The following PAPOLG variants were observed in gnomAD, a reference collection of about 807,000 sequenced individuals.
PAPOLG encodes the protein PAP-gamma.
A neutral mutation model predicts 99.0 loss-of-function variants in PAPOLG; 40 were observed. The ratio of observed to expected loss-of-function variants is 0.40; its 90% CI spans 0.31 to 0.53. The LOEUF (loss-of-function observed/expected upper bound fraction) is 0.53, where lower values mean the gene tolerates loss of function less well. Among genes scored for constraint, PAPOLG ranks in the 20% least tolerant of loss-of-function variants. The pLI is 0.41. For synonymous variants in PAPOLG, 310 were observed against 299.3 expected (o/e 1.04, Z -0.37); for missense variants, 675 against 884.1 (o/e 0.76, Z 3.00).
In PAPOLG at chr2:60,801,168, G is replaced by C. The variant is rs1349168727; in HGVS notation, c.*4008G>C. The C allele has an allele frequency of 6.6e-6, 1 of 152,040 alleles. No homozygotes were observed. The highest frequency in any genetic ancestry group is 1.5e-5 in the Non-Finnish European group (1 of 68,000). 9.4% of individuals were successfully genotyped at this position (152,040 alleles called of 1,614,324 possible). A position where few individuals can be genotyped will look rare whatever the true frequency, so the allele number is the denominator to read the frequency against. ...AGATCCCAAAATGTTGAGTTCTGTA[G>C]CATGAAAACTCTCTTGCTCCTCCAT... On this transcript the variant is annotated 3_prime_UTR_variant, in exon 22 of 22. Transcript: ENST00000238714.
intron 13 of PAPOLG, among the ~76,000 whole-genome samples, chr2:60,784,171 C>T (rs1170059297): frequency 6.6e-6 from 1 of 152,152 alleles, no homozygotes; most frequent in Non-Finnish European, 1.5e-5. Context: ...CGGGGTTTCA[C>T]CATCTTGGCC....
intron 15 of PAPOLG, among the ~76,000 whole-genome samples, chr2:60,790,820 G>T (rs1017114533): frequency 6.6e-6 from 1 of 152,210 alleles, no homozygotes; most frequent in Non-Finnish European, 1.5e-5. Context: ...CAGGTGCAGT[G>T]GTTCACACCT....
intron 15 of PAPOLG, among the ~76,000 whole-genome samples, chr2:60,790,202 ACT>A (rs1671487834): frequency 6.6e-6 from 1 of 152,198 alleles, no homozygotes; most frequent in Admixed American, 6.5e-5. Flanking sequence ...ACTCCTGGTA[ACT>A]CTTTCATAAT....
chr2:60,788,628 T>C (rs570819255), intron 15 of PAPOLG, among the ~76,000 whole-genome samples: 8 of 152,262 alleles, frequency 5.3e-5, no homozygotes, highest in South Asian at 2.1e-4. Flanking sequence ...CTGAATGTTA[T>C]CTGTTTTAAA....
intron 8 of PAPOLG, among the ~76,000 whole-genome samples, chr2:60,778,175 C>T (rs1160697963): frequency 4.6e-5 from 7 of 152,018 alleles, no homozygotes; most frequent in Admixed American, 4.6e-4. Flanking sequence ...TAGACAGGGG[C>T]TTGCTGTATC....
Position 60,787,629 on chromosome 2 carries a change from C to A in PAPOLG, c.1396+9C>A. On this transcript the variant is annotated intron_variant, in intron 15 of 21. Transcript: ENST00000238714. ...GTCATTTACTGATACAGGTAAGACT[C>A]CATCATCATAGAGCTGTGATTCTCA... 6.2e-7 allele frequency: 1 copy of A among 1,611,648 alleles called. No individual in the cohort carries two copies. Among genetic ancestry groups the A allele is most frequent in the Non-Finnish European group, 8.5e-7 (1 of 1,178,836 alleles).
chr2:60,781,646 A>C (rs1031298783), intron 10 of PAPOLG, among the ~76,000 whole-genome samples: 6 of 152,244 alleles, frequency 3.9e-5, no homozygotes, highest in African/African-American at 1.4e-4. Context: ...TATAAGATGC[A>C]CATCAATTTA....
intron 13 of PAPOLG, 93 bp downstream of exon 13, chr2:60,783,302 G>A (rs1259226309): frequency 4.4e-6 from 2 of 453,356 alleles, no homozygotes; most frequent in East Asian, 8.2e-5. Context: ...TTTCTTGCTT[G>A]ATTTTCAAAA....
At position 60,800,170 on chromosome 2, in the gene PAPOLG, AATT is replaced by A. The variant is rs1168470710; in HGVS notation, c.*3017_*3019del. 1.3e-5 allele frequency: 2 copies of A among 152,058 alleles called. No homozygotes were observed. Among genetic ancestry groups the A allele is most frequent in the African/African-American group, 2.4e-5 (1 of 41,398 alleles). 9.4% of individuals were successfully genotyped at this position (152,058 alleles called of 1,614,324 possible). ...AAACTTTGTAAAACTGGGACAGGAGAATTATTATTTTTTTATTTTTTATTTTTT... is the reference window on the plus strand; with the variant it reads ...AAACTTTGTAAAACTGGGACAGGAGAATTATTTTTTTATTTTTTATTTTTT... On this transcript the variant is annotated 3_prime_UTR_variant, in exon 22 of 22. Transcript: ENST00000238714.
At chr2:60,787,487 A>T in intron 14 of PAPOLG, 24 bp from the exon 15 acceptor site, 1 of 1,586,896 alleles carries the variant, frequency 6.3e-7, no homozygotes. Flanking sequence ...TAATTAATGG[A>T]AATTCTTAAA....
intron 17 of PAPOLG, among the ~76,000 whole-genome samples, chr2:60,793,426 T>C (rs528500777): frequency 4.3e-4 from 65 of 151,830 alleles, no homozygotes; most frequent in African/African-American, 1.3e-3. Flanking sequence ...TAACCCGATA[T>C]GATGGCACAC....
At chr2:60,777,603 T>C in intron 8 of PAPOLG, among the ~76,000 whole-genome samples, 1 of 152,248 alleles carries the variant, frequency 6.6e-6, no homozygotes, top group South Asian at 2.1e-4. Context: ...ACAAGGGGCA[T>C]AGCTTTCGGA....
At chr2:60,762,239 T>C (rs1354478008) in intron 3 of PAPOLG, among the ~76,000 whole-genome samples, 1 of 152,158 alleles carries the variant, frequency 6.6e-6, no homozygotes, top group Non-Finnish European at 1.5e-5. Flanking sequence ...GAGCAGTTAC[T>C]ATGTTTCTCA....
chr2:60,765,581 G>A (rs1400180620), intron 3 of PAPOLG, among the ~76,000 whole-genome samples: 1 of 152,006 alleles, frequency 6.6e-6, no homozygotes, highest in African/African-American at 2.4e-5. Flanking sequence ...GTAACTGAAG[G>A]ATTTGGGTTT....
In PAPOLG at chr2:60,756,404, C is replaced by T; in HGVS notation, c.-75C>T. ...CTACTAGCGACCGGAGGAAAGTGAA[C>T]AGGGGGAGAAGGGAACAGCAAGAAC... is the stretch of plus-strand genomic sequence containing the variant. On this transcript the variant is annotated 5_prime_UTR_variant, in exon 1 of 22. Transcript: ENST00000238714. 3 of 1,599,050 alleles carry T rather than the reference C, an allele frequency of 1.9e-6. No homozygotes were observed. In the South Asian group the frequency reaches 3.3e-5, roughly 18 times the overall value.
intron 8 of PAPOLG, 75 bp from the exon 9 acceptor site, chr2:60,779,562 G>C: frequency 1.4e-6 from 2 of 1,472,714 alleles, no homozygotes; most frequent in Admixed American, 2.0e-5. Context: ...CATTCACCTT[G>C]TAAAGAGCAG....
At chr2:60,771,483 T>C (rs766103549) in intron 6 of PAPOLG, 36 bp from the exon 7 acceptor site, 17 of 1,564,462 alleles carry the variant, frequency 1.1e-5, no homozygotes, top group African/African-American at 1.4e-5. Context: ...AAGGAGAAAA[T>C]GTAATTTTTT....
chr2:60,781,780 TGTA>T lies in PAPOLG; in HGVS notation c.907-101_907-99del, dbSNP rs1671197001. The stretch of plus-strand genomic sequence containing the variant: ...AATGTACTTCTTAAACTTGAGGAAA[TGTA>T]GTATTAAATTTATATTTCATATTCT... On this transcript the variant is annotated intron_variant, in intron 10 of 21. Coordinates refer to ENST00000238714, the MANE Select transcript of PAPOLG (RefSeq NM_022894.4). 4.2e-6 allele frequency: 6 copies of T among 1,442,090 alleles called. No individual in the cohort carries two copies. The Middle Eastern group carries it at 5.4e-4, about 131-fold the overall frequency. 89.3% of individuals were successfully genotyped at this position (1,442,090 alleles called of 1,614,324 possible).
chr2:60,801,842 T>G lies in PAPOLG; in HGVS notation c.*4682T>G, dbSNP rs1045457284. On this transcript the variant is annotated 3_prime_UTR_variant, in exon 22 of 22. Transcript: ENST00000238714. ...CTATAAGTTTTAAGCTATTGCTACA[T>G]TTGAACAAAGACCCACGTACTTATC... 4 of 151,520 alleles carry G rather than the reference T, an allele frequency of 2.6e-5. No individual in the cohort carries two copies. The highest frequency in any genetic ancestry group is 4.4e-5 in the Non-Finnish European group (3 of 67,618). The allele number at this position is 151,520 out of a possible 1,614,324, so 9.4% of individuals were successfully genotyped here.
Sources: allele counts gnomAD v4.1 joint callset (sites outside exome capture counted in the v4.1 genomes callset), GRCh38; gene constraint gnomAD v4.1.1; transcripts MANE v1.5; gene names NCBI Gene and HGNC (gene_info 2026-07-23, HGNC 2026-07-21).